ABCC1: variants seen among roughly 807,000 people sequenced by gnomAD.
The protein encoded by ABCC1 is ATP binding cassette subfamily C member 1 (ABCC1 blood group).
In ABCC1, 83 loss-of-function variants were observed where a neutral mutation model predicts 172.9. The observed-to-expected ratio is 0.48, with a 90% CI of 0.40 to 0.58. The LOEUF (loss-of-function observed/expected upper bound fraction) is 0.58. Ranked by LOEUF, ABCC1 falls within the 20% of genes least tolerant of loss-of-function variation. The pLI is 0.00. For missense variants in ABCC1, 1,817 were observed against 2,002.7 expected (o/e 0.91, Z 1.77); for synonymous variants, 937 against 825.2 (o/e 1.14, Z -2.32).
intron 23 of ABCC1, among the ~76,000 whole-genome samples, chr16:16,115,998 G>A (rs542160088): frequency 1.8e-4 from 27 of 151,614 alleles, no homozygotes; most frequent in Non-Finnish European, 3.2e-4. Context: ...CACCTCTCGG[G>A]TTCACACCAT....
intron 7 of ABCC1, among the ~76,000 whole-genome samples, chr16:16,039,372 A>G (rs1450524458): frequency 1.3e-5 from 2 of 150,348 alleles, no homozygotes; most frequent in South Asian, 2.1e-4. Flanking sequence ...GGTTCAAGCA[A>G]TTCTTCTGCC....
At chr16:15,967,559 A>C (rs2046272221) in intron 1 of ABCC1, among the ~76,000 whole-genome samples, 1 of 151,312 alleles carries the variant, frequency 6.6e-6, no homozygotes. Context: ...CCTGGGCAAC[A>C]GAAAGACCCC....
At chr16:15,983,180 A>G (rs1246490061) in intron 1 of ABCC1, among the ~76,000 whole-genome samples, 2 of 152,158 alleles carry the variant, frequency 1.3e-5, no homozygotes, top group Non-Finnish European at 2.9e-5. Context: ...GAATGTTTCA[A>G]CTGTGAGCTG....
intron 8 of ABCC1, among the ~76,000 whole-genome samples, chr16:16,045,395 CAAAAAAAA>C (rs34870561): frequency 1.4e-4 from 9 of 64,706 alleles, no homozygotes; most frequent in South Asian, 6.7e-4. Flanking sequence ...GACTTTGTCT[CAAAAAAAA>C]AAAAAAAAAA....
intron 1 of ABCC1, among the ~76,000 whole-genome samples, chr16:15,961,336 A>G (rs970279423): frequency 6.6e-6 from 1 of 152,172 alleles, no homozygotes; most frequent in African/African-American, 2.4e-5. Flanking sequence ...AGGACTTTCT[A>G]TAGGTTGCTA....
At chr16:15,992,212 C>T (rs1283808066) in intron 1 of ABCC1, among the ~76,000 whole-genome samples, 1 of 151,476 alleles carries the variant, frequency 6.6e-6, no homozygotes, top group African/African-American at 2.4e-5. Context: ...CATCTAGTTG[C>T]AGGAAAACAA....
In ABCC1 at chr16:16,141,268, C is replaced by T. The variant is rs774991628; in HGVS notation, c.4583C>T (p.Ala1528Val). Residue 1528 changes from alanine (A) to valine (V), a missense_variant, in exon 31 of 31, where the codon GCC becomes GTC. Coordinates refer to ENST00000399410, the MANE Select transcript of ABCC1 (RefSeq NM_004996.4). ...CTTTTCTACAGCATGGCCAAAGACG[C>T]CGGCTTGGTGTGAGCCCCAGAGCTG... is the stretch of plus-strand genomic sequence containing the variant. ...RGLFYSMAKD[A>V]GLV 1.2e-6 allele frequency: 2 copies of T among 1,613,906 alleles called. No individual in the cohort carries two copies. Among genetic ancestry groups the T allele is most frequent in the Admixed American group, 1.7e-5 (1 of 59,988 alleles).
At chr16:16,043,447 T>A (rs1406304165) in intron 7 of ABCC1, among the ~76,000 whole-genome samples, 1 of 151,572 alleles carries the variant, frequency 6.6e-6, no homozygotes, top group Non-Finnish European at 1.5e-5. Flanking sequence ...TATAGGTATG[T>A]GCCACCATGC....
intron 6 of ABCC1, among the ~76,000 whole-genome samples, chr16:16,034,516 C>T (rs2048676596): frequency 1.3e-5 from 2 of 151,132 alleles, no homozygotes; most frequent in South Asian, 4.2e-4. Context: ...AAGAGCATGT[C>T]CTGGATTGGA....
intron 1 of ABCC1, among the ~76,000 whole-genome samples, chr16:15,993,111 A>C (rs1431750529): frequency 1.3e-5 from 2 of 152,088 alleles, no homozygotes; most frequent in African/African-American, 4.8e-5. Context: ...GTGAGCTTTC[A>C]TCTTTGATGG....
intron 23 of ABCC1, among the ~76,000 whole-genome samples, chr16:16,119,114 G>C (rs535637520): frequency 6.6e-6 from 1 of 152,164 alleles, no homozygotes; most frequent in East Asian, 1.9e-4. Context: ...AAAGAAGCCA[G>C]ACGAAAAAGA....
At position 16,124,918 on chromosome 16, in the gene ABCC1, AAG is replaced by A. The variant is rs1419152451; in HGVS notation, c.3717+6_3717+7del. The A allele has an allele frequency of 1.9e-5, 31 of 1,614,122 alleles. No homozygotes were observed. Among genetic ancestry groups the A allele is most frequent in the Non-Finnish European group, 2.5e-5 (29 of 1,180,030 alleles). ...TCTCAGTGTCTTACTCATTGCAGGTAAGAGGGGATGCTCTTGGCTGGATTATT... is the reference window on the plus strand; with the variant it reads ...TCTCAGTGTCTTACTCATTGCAGGTAAGGGGATGCTCTTGGCTGGATTATT... On this transcript the variant is annotated splice_donor_5th_base_variant and intron_variant, in intron 25 of 30. Transcript: ENST00000399410.
intron 4 of ABCC1, among the ~76,000 whole-genome samples, chr16:16,014,919 C>G (rs1395031007): frequency 6.6e-6 from 1 of 152,170 alleles, no homozygotes; most frequent in East Asian, 1.9e-4. Context: ...CAGGCTGGCC[C>G]CATCAGCAGG....
intron 9 of ABCC1, among the ~76,000 whole-genome samples, chr16:16,046,490 G>T (rs868368189): frequency 6.6e-6 from 1 of 152,012 alleles, no homozygotes. Context: ...GACTACAGGC[G>T]CCTGCCACCA....
At chr16:15,983,080 G>A (rs1288254389) in intron 1 of ABCC1, among the ~76,000 whole-genome samples, 1 of 152,108 alleles carries the variant, frequency 6.6e-6, no homozygotes, top group African/African-American at 2.4e-5. Context: ...GTACTTAGCA[G>A]GCACAGTACA....
chr16:16,118,883 T>TAAAAA (rs397855738), intron 23 of ABCC1, among the ~76,000 whole-genome samples: 22 of 118,422 alleles, frequency 1.9e-4, no homozygotes, highest in African/African-American at 6.8e-4. Flanking sequence ...AAGTGTATAT[T>TAAAAA]AAAAAAAAAA....
intron 14 of ABCC1, among the ~76,000 whole-genome samples, chr16:16,074,401 C>T (rs2050473148): frequency 6.6e-6 from 1 of 152,136 alleles, no homozygotes; most frequent in Admixed American, 6.6e-5. Context: ...GCAATGATTC[C>T]ATCTACTCTG....
intron 26 of ABCC1, among the ~76,000 whole-genome samples, chr16:16,131,542 A>C (rs1031725203): frequency 3.3e-5 from 5 of 152,138 alleles, no homozygotes; most frequent in African/African-American, 4.8e-5. Flanking sequence ...CAGTGCCCTG[A>C]AGGAGAAGGC....
intron 19 of ABCC1, among the ~76,000 whole-genome samples, chr16:16,094,698 G>A (rs902686558): frequency 8.6e-5 from 13 of 151,382 alleles, no homozygotes; most frequent in Non-Finnish European, 1.3e-4. Flanking sequence ...TGTATTTTTA[G>A]TAGAAACGGG....
Sources: gnomAD v4.1 joint callset for allele counts (sites outside exome capture counted in the v4.1 genomes callset) on GRCh38, gnomAD v4.1.1 for gene constraint, MANE v1.5 for transcripts, NCBI Gene and HGNC (gene_info 2026-07-23, HGNC 2026-07-21) for gene names.